SPP2: variants seen among roughly 807,000 people sequenced by gnomAD.
SPP2 encodes secreted phosphoprotein 2.
Under a neutral mutation model 28.8 loss-of-function variants are expected in SPP2, and 34 were observed. The ratio of observed to expected loss-of-function variants is 1.18; its 90% confidence interval spans 0.90 to 1.57. The LOEUF (loss-of-function observed/expected upper bound fraction) is 1.57, where lower values mean the gene tolerates loss of function less well. SPP2 is among the 40% of genes most tolerant of loss of function. SPP2 has a pLI of 0.00. For missense variants in SPP2, 269 were observed against 263.9 expected (o/e 1.02, Z -0.13); for synonymous variants, 96 against 89.4 (o/e 1.07, Z -0.42).
At chr2:234,053,277 G>A (rs1559170251) in intron 2 of SPP2, among the ~76,000 whole-genome samples, 2 of 152,138 alleles carry the variant, frequency 1.3e-5, no homozygotes, top group South Asian at 2.1e-4. Flanking sequence ...CATGTTAAAC[G>A]TTAAATTAGT....
intron 2 of SPP2, among the ~76,000 whole-genome samples, chr2:234,057,744 G>C (rs543645746): frequency 1.4e-4 from 21 of 152,210 alleles, no homozygotes; most frequent in Non-Finnish European, 2.8e-4. Flanking sequence ...GAAAGGAGAA[G>C]AAAATCATTT....
At chr2:234,059,049 G>A (rs1209457246) in intron 3 of SPP2, 91 bp downstream of exon 3, 51 of 1,480,438 alleles carry the variant, frequency 3.4e-5, no homozygotes, top group Non-Finnish European at 4.5e-5. Flanking sequence ...CTTGGTCGCT[G>A]CCTGGCTAGC....
At chr2:234,061,813 C>T (rs986022321) in intron 4 of SPP2, among the ~76,000 whole-genome samples, 4 of 152,136 alleles carry the variant, frequency 2.6e-5, no homozygotes, top group African/African-American at 7.2e-5. Flanking sequence ...CAGTTGAGCA[C>T]GGCCTTATTG....
At chr2:234,070,676 GGT>G (rs1043820105) in intron 7 of SPP2, among the ~76,000 whole-genome samples, 1 of 152,076 alleles carries the variant, frequency 6.6e-6, no homozygotes, top group Non-Finnish European at 1.5e-5. Context: ...TAGCCAGGCT[GGT>G]TTCAAACTCC....
At chr2:234,069,528 G>T (rs1455296699) in intron 6 of SPP2, among the ~76,000 whole-genome samples, 2 of 152,176 alleles carry the variant, frequency 1.3e-5, no homozygotes, top group African/African-American at 4.8e-5. Flanking sequence ...GAGCATCATT[G>T]ACACAGAAGT....
rs74553175 is a variant in SPP2, at chr2:234,056,471, G to A, written c.211-2365G>A. ...TGAGTTCAAATGAAACAGCAAAAAT[G>A]TTAGATGTTTCTCCCTATTCTTGAA... On this transcript the variant is annotated intron_variant, in intron 2 of 7. Transcript: ENST00000168148. Among the ~76,000 whole-genome samples the A allele has an allele frequency of 5.8e-4, 89 of 152,320 alleles. 3 individuals carry two copies. The East Asian group carries it at 0.014, about 24-fold the overall frequency.
Position 234,058,947 on chromosome 2 carries a change from G to C in SPP2, c.322G>C (p.Asp108His). ...EDPATCAFQR[D>H]YYVSTAVCRS... is the part of the protein sequence containing the mutation. ...TCCCGCTACATGTGCCTTCCAGAGG[G>C]ACTACTATGTGGTAAGTGGGAGGAG... The change falls in exon 3 of 8, where the codon GAC becomes CAC. Residue 108 changes from aspartate to histidine, a missense_variant. Transcript: ENST00000168148. 6.2e-7 allele frequency: 1 copy of C among 1,613,698 alleles called. No homozygotes were observed. Among genetic ancestry groups the C allele is most frequent in the Non-Finnish European group, 8.5e-7 (1 of 1,179,822 alleles).
chr2:234,059,627 C>T (rs1381335827), intron 3 of SPP2, among the ~76,000 whole-genome samples: 1 of 152,116 alleles, frequency 6.6e-6, no homozygotes, highest in Non-Finnish European at 1.5e-5. Context: ...ACAGTGGATC[C>T]CTGTGCCATT....
chr2:234,052,657 T>C (rs767274163), intron 2 of SPP2, among the ~76,000 whole-genome samples: 1 of 152,200 alleles, frequency 6.6e-6, no homozygotes. Flanking sequence ...GATGAGCACA[T>C]GAAAAATGTT....
At chr2:234,068,741 A>G (rs544309444) in intron 6 of SPP2, among the ~76,000 whole-genome samples, 2 of 151,226 alleles carry the variant, frequency 1.3e-5, no homozygotes, top group East Asian at 1.9e-4. Flanking sequence ...CTGGTGGCAA[A>G]CATTTGCCCT....
intron 4 of SPP2, among the ~76,000 whole-genome samples, chr2:234,063,244 G>A (rs1283417883): frequency 2.6e-5 from 4 of 151,622 alleles, no homozygotes; most frequent in Admixed American, 1.3e-4. Context: ...TTGTTGGAAG[G>A]AAGAAATAGA....
intron 2 of SPP2, among the ~76,000 whole-genome samples, chr2:234,052,501 T>C (rs1301986118): frequency 6.6e-6 from 1 of 152,230 alleles, no homozygotes; most frequent in Non-Finnish European, 1.5e-5. Context: ...CGTGGAAATC[T>C]GCCCTGTGGA....
At chr2:234,065,769 G>A (rs1215986612) in intron 4 of SPP2, among the ~76,000 whole-genome samples, 3 of 152,168 alleles carry the variant, frequency 2.0e-5, no homozygotes, top group African/African-American at 4.8e-5. Context: ...GCCCTTTGAA[G>A]AGCAAAATTA....
At chr2:234,071,706 G>A (rs1488457233) in intron 7 of SPP2, among the ~76,000 whole-genome samples, 4 of 152,142 alleles carry the variant, frequency 2.6e-5, no homozygotes, top group Admixed American at 6.5e-5. Context: ...TGGCTTTCAT[G>A]ACCTGGGTCT....
intron 7 of SPP2, among the ~76,000 whole-genome samples, chr2:234,075,301 G>A (rs920497237): frequency 1.3e-5 from 2 of 152,102 alleles, no homozygotes; most frequent in East Asian, 1.9e-4. Context: ...CTGGCCCCTC[G>A]TTTATCCCTA....
At chr2:234,052,092 C>T (rs755750215) in intron 2 of SPP2, among the ~76,000 whole-genome samples, 7 of 152,108 alleles carry the variant, frequency 4.6e-5, no homozygotes, top group African/African-American at 1.2e-4. Flanking sequence ...ATCAAAAGGA[C>T]CCAGTTTTAT....
rs752233627 is a variant in SPP2, at chr2:234,051,017, CAG to C, written c.133_134del (p.Ser45CysfsTer27). ...ATCCATCCTCCTTAAGGGATGCCCT[CAG>C]TGCCTCTGTGGTAAAAGTGAATTCC... is the stretch of plus-strand genomic sequence containing the variant. ...YDPSSLRDAL[S>X]ASVVKVNSQS... On this transcript the variant is annotated frameshift_variant, in exon 2 of 8. Transcript: ENST00000168148. LOFTEE classifies it high-confidence loss of function. 6.2e-7 allele frequency: 1 copy of C among 1,614,058 alleles called. No homozygotes were observed. Among genetic ancestry groups the C allele is most frequent in the East Asian group, 2.2e-5 (1 of 44,872 alleles).
chr2:234,056,545 A>C (rs1693610593), intron 2 of SPP2, among the ~76,000 whole-genome samples: 1 of 152,160 alleles, frequency 6.6e-6, no homozygotes, highest in Non-Finnish European at 1.5e-5. Flanking sequence ...TCATAGCTCA[A>C]TAAAATGATC....
intron 2 of SPP2, among the ~76,000 whole-genome samples, 173 bp downstream of exon 2, chr2:234,051,268 G>A (rs1289186712): frequency 2.0e-5 from 3 of 152,026 alleles, no homozygotes; most frequent in Non-Finnish European, 2.9e-5. Context: ...ACAATTTTTT[G>A]TCATGAGGCT....
Sources: allele counts gnomAD v4.1 joint callset (sites outside exome capture counted in the v4.1 genomes callset), GRCh38; gene constraint gnomAD v4.1.1; transcripts MANE v1.5; gene names NCBI Gene and HGNC (gene_info 2026-07-23, HGNC 2026-07-21).